PPP1R21: variants seen among roughly 807,000 people sequenced by gnomAD.
PPP1R21 encodes the protein KLRAQ motif containing 1.
A neutral mutation model predicts 112.8 loss-of-function variants in PPP1R21; 85 were observed. That is an observed-to-expected ratio of 0.75 (90% CI 0.63 to 0.90). The LOEUF is 0.90. PPP1R21 is among the 40% of genes least tolerant of loss of function. The pLI is 0.00. For synonymous variants in PPP1R21, 381 were observed against 322.3 expected (o/e 1.18, Z -1.95); for missense variants, 1,199 against 901.5 (o/e 1.33, Z -4.23).
At chr2:48,450,548 A>G (rs903964772) in intron 1 of PPP1R21, among the ~76,000 whole-genome samples, 1 of 152,138 alleles carries the variant, frequency 6.6e-6, no homozygotes, top group Non-Finnish European at 1.5e-5. Context: ...TCCTACTGGG[A>G]TGTTGATGCC....
chr2:48,488,368 C>CTTT (rs988826349), intron 14 of PPP1R21, among the ~76,000 whole-genome samples: 1 of 141,612 alleles, frequency 7.1e-6, no homozygotes. Flanking sequence ...TATTTGCCAA[C>CTTT]TTTTTTTTTT....
chr2:48,460,690 T>C (rs1407366525), intron 6 of PPP1R21, among the ~76,000 whole-genome samples: 3 of 152,140 alleles, frequency 2.0e-5, no homozygotes, highest in Admixed American at 6.5e-5. Flanking sequence ...ACATGCATGA[T>C]TTAGATGTGT....
chr2:48,471,197 C>A lies in PPP1R21; in HGVS notation c.999+9C>A. 2 of 1,607,908 alleles carry A rather than the reference C, an allele frequency of 1.2e-6. No individual in the cohort carries two copies. Among genetic ancestry groups the A allele is most frequent in the South Asian group, 2.2e-5 (2 of 90,906 alleles). On this transcript the variant is annotated intron_variant, in intron 10 of 21. Transcript: ENST00000294952. ...ATACTGTGACTGTCTTGGTAATTTTCTTCCTTGTTTTACTTCTGGAAACTG... is the reference window on the plus strand; with the variant it reads ...ATACTGTGACTGTCTTGGTAATTTTATTCCTTGTTTTACTTCTGGAAACTG...
Position 48,479,921 on chromosome 2 carries a change from T to G in PPP1R21, c.1226-3T>G. ...GCTTAGATTTGTGATTTTGATTTCC[T>G]AGGTACAGAGCCAGATGGACTCCTT... On this transcript the variant is annotated splice_region_variant and splice_polypyrimidine_tract_variant and intron_variant, in intron 12 of 21. Transcript: ENST00000294952. 6.3e-7 allele frequency: 1 copy of G among 1,588,444 alleles called. No individual in the cohort carries two copies. Among genetic ancestry groups the G allele is most frequent in the Non-Finnish European group, 8.6e-7 (1 of 1,156,668 alleles).
intron 9 of PPP1R21, among the ~76,000 whole-genome samples, chr2:48,466,162 G>T (rs904311266): frequency 3.3e-5 from 5 of 152,120 alleles, no homozygotes; most frequent in Non-Finnish European, 5.9e-5. Context: ...GTGGGAGCTA[G>T]AAGATGAGAT....
At chr2:48,465,318 G>T (rs1373412486) in intron 8 of PPP1R21, among the ~76,000 whole-genome samples, 175 bp from the exon 9 acceptor site, 1 of 152,122 alleles carries the variant, frequency 6.6e-6, no homozygotes, top group East Asian at 1.9e-4. Flanking sequence ...TGCCAAATTG[G>T]TGGCTTTCTA....
At chr2:48,479,443 C>T (rs1020799910) in intron 12 of PPP1R21, 2 of 470,862 alleles carry the variant, frequency 4.2e-6, no homozygotes, top group Non-Finnish European at 8.8e-6. Context: ...GAACCGTCTC[C>T]AGAGACTTTA....
chr2:48,491,705 C>G (rs889210165), intron 15 of PPP1R21, among the ~76,000 whole-genome samples: 2 of 151,984 alleles, frequency 1.3e-5, no homozygotes, highest in Non-Finnish European at 2.9e-5. Context: ...CATGCACACA[C>G]ATACTATAAA....
chr2:48,474,616 T>C (rs1668668464), intron 11 of PPP1R21, 67 bp from the exon 12 acceptor site: 1 of 1,416,326 alleles, frequency 7.1e-7, no homozygotes, highest in Admixed American at 2.1e-5. Flanking sequence ...GAGAACTTGG[T>C]TGGCTGCTAG....
In PPP1R21 at chr2:48,486,718, T is replaced by C; in HGVS notation, c.1406T>C (p.Ile469Thr). Residue 469 changes from isoleucine (I) to threonine (T), a missense_variant, in exon 14 of 22, where the codon ATC (isoleucine) becomes ACC (threonine). Ile to Thr is a moderately conservative substitution (Grantham distance 89, BLOSUM62 -1). Coordinates refer to ENST00000294952, the MANE Select transcript of PPP1R21 (RefSeq NM_001135629.3). ...AAGCTGATAACAACTAATGACTGTA[T>C]CCTGTCATCAGTAGTGGCATTAACA... is the stretch of plus-strand genomic sequence containing the variant. ...TQKLITTNDCILSSVVALTNG... is the reference protein window; with the variant it reads ...TQKLITTNDCTLSSVVALTNG... The C allele has an allele frequency of 6.2e-7, 1 of 1,614,058 alleles. No homozygotes were observed. The highest frequency in any genetic ancestry group is 8.5e-7 in the Non-Finnish European group (1 of 1,179,962).
intron 7 of PPP1R21, among the ~76,000 whole-genome samples, chr2:48,462,057 C>T (rs902315343): frequency 6.6e-6 from 1 of 152,164 alleles, no homozygotes; most frequent in Non-Finnish European, 1.5e-5. Context: ...AATGTAAATA[C>T]TACTGGATTC....
intron 17 of PPP1R21, among the ~76,000 whole-genome samples, chr2:48,501,149 G>T (rs1670094118): frequency 6.6e-6 from 1 of 152,218 alleles, no homozygotes; most frequent in Non-Finnish European, 1.5e-5. Context: ...GTGTATAAAT[G>T]AGGTAATGAG....
chr2:48,498,369 A>C (rs1223425500), intron 16 of PPP1R21, 124 bp from the exon 17 acceptor site: 6 of 886,660 alleles, frequency 6.8e-6, no homozygotes, highest in Non-Finnish European at 8.6e-6. Context: ...TCGAGGGTCA[A>C]ACTTTATTAT....
At chr2:48,450,788 AT>A (rs1429909179) in intron 1 of PPP1R21, among the ~76,000 whole-genome samples, 1 of 145,800 alleles carries the variant, frequency 6.9e-6, no homozygotes, top group Non-Finnish European at 1.5e-5. Context: ...TTTTTTTTTT[AT>A]TTCATTGGGC....
intron 2 of PPP1R21, 141 bp from the exon 3 acceptor site, chr2:48,454,454 C>G: frequency 1.1e-5 from 10 of 934,358 alleles, no homozygotes; most frequent in Non-Finnish European, 1.6e-5. Context: ...AACTTAAGAA[C>G]TGAAGTGATA....
intron 16 of PPP1R21, 64 bp from the exon 17 acceptor site, chr2:48,498,428 GT>G: frequency 6.4e-7 from 1 of 1,560,166 alleles, no homozygotes; most frequent in Non-Finnish European, 8.8e-7. Context: ...CTGTAAGATA[GT>G]TTTTGGGCCA....
rs751404174 is a variant in PPP1R21 at position 48,461,152 on chromosome 2, A to G, written c.614A>G (p.Lys205Arg). Residue 205 changes from lysine (K) to arginine (R), a missense_variant, in exon 7 of 22, where the codon AAG (lysine) becomes AGG (arginine). Coordinates refer to ENST00000294952, the MANE Select transcript of PPP1R21 (RefSeq NM_001135629.3). ...TTTTTTTGCAGTCAATTACAGTTAA[A>G]GACTCTTCATGAAGATTTGTCAGGT... ...LRTEECQLQL[K>R]TLHEDLSGRL... The G allele has an allele frequency of 1.3e-6, 2 of 1,580,786 alleles. No individual in the cohort carries two copies. Among genetic ancestry groups the G allele is most frequent in the Non-Finnish European group, 1.7e-6 (2 of 1,170,674 alleles).
intron 12 of PPP1R21, among the ~76,000 whole-genome samples, chr2:48,477,233 T>G (rs1447983336): frequency 6.6e-6 from 1 of 151,318 alleles, no homozygotes; most frequent in East Asian, 2.0e-4. Context: ...GATCTCCTGC[T>G]TCAGCCTCCC....
chr2:48,455,164 T>TTTG (rs1667664932), intron 3 of PPP1R21, among the ~76,000 whole-genome samples: 1 of 149,254 alleles, frequency 6.7e-6, no homozygotes, highest in Non-Finnish European at 1.5e-5. Flanking sequence ...TTTTTTTTTT[T>TTTG]TGAGACAGTT....
Sources: gnomAD v4.1 joint callset for allele counts (sites outside exome capture counted in the v4.1 genomes callset) on GRCh38, gnomAD v4.1.1 for gene constraint, MANE v1.5 for transcripts, NCBI Gene and HGNC (gene_info 2026-07-23, HGNC 2026-07-21) for gene names.